The following NINJ2 variants were observed in gnomAD, a reference collection of about 807,000 sequenced individuals.
The protein encoded by NINJ2 is ninjurin 2.
In NINJ2, 12 loss-of-function variants were observed where a neutral mutation model predicts 11.7. The observed-to-expected ratio is 1.02, with a 90% CI of 0.66 to 1.66. The LOEUF is 1.66. Ranked by LOEUF, NINJ2 falls within the 40% of genes most tolerant of loss-of-function variation. NINJ2 has a pLI of 0.00. For synonymous variants in NINJ2, 93 were observed against 76.8 expected, an observed-to-expected ratio of 1.21 and a Z score of -1.10; for missense variants, 187 against 181.8, an observed-to-expected ratio of 1.03 and a Z score of -0.16.
Position 601,513 on chromosome 12 carries a change from A to G in NINJ2, c.34-35335T>C, listed in dbSNP as rs536047783. Among the ~76,000 whole-genome samples the G allele has an allele frequency of 2.4e-4, 35 of 148,872 alleles. 1 individual carries two copies. In the South Asian group the frequency reaches 7.5e-3, roughly 32 times the overall value. On this transcript the variant is annotated intron_variant, in intron 1 of 3. Coordinates refer to ENST00000305108, the MANE Select transcript of NINJ2 (RefSeq NM_016533.6). ...CAGTGAGCCAAGATCAGGCCACTGCACTCCAGCCTGGGCCACAGAAGCAAG... is the reference window on the plus strand; with the variant it reads ...CAGTGAGCCAAGATCAGGCCACTGCGCTCCAGCCTGGGCCACAGAAGCAAG...
At chr12:593,986 C>T (rs1947750482) in intron 1 of NINJ2, among the ~76,000 whole-genome samples, 1 of 152,202 alleles carries the variant, frequency 6.6e-6, no homozygotes, top group African/African-American at 2.4e-5. Context: ...GCTAACATCA[C>T]ACTTAATGGT....
intron 3 of NINJ2, 35 bp downstream of exon 3, chr12:565,182 G>A: frequency 2.6e-6 from 4 of 1,545,204 alleles, no homozygotes; most frequent in Non-Finnish European, 3.5e-6. Flanking sequence ...CACCTGGGGA[G>A]TCCCTGGAGC....
chr12:642,419 C>T (rs1565646439), intron 1 of NINJ2, among the ~76,000 whole-genome samples: 1 of 152,116 alleles, frequency 6.6e-6, no homozygotes, highest in Non-Finnish European at 1.5e-5. Flanking sequence ...TTAGTAGAGA[C>T]GGGGTTTCGC....
At chr12:569,668 G>A (rs1292274356) in intron 1 of NINJ2, among the ~76,000 whole-genome samples, 2 of 152,192 alleles carry the variant, frequency 1.3e-5, no homozygotes, top group Non-Finnish European at 2.9e-5. Flanking sequence ...GGGTGGCAGG[G>A]GTGAGTACAC....
chr12:567,309 T>C (rs1388540520), intron 1 of NINJ2, among the ~76,000 whole-genome samples: 1 of 134,524 alleles, frequency 7.4e-6, no homozygotes, highest in Non-Finnish European at 1.6e-5. Flanking sequence ...ACAGGACAGA[T>C]ACCTGCTGCG....
At chr12:622,748 C>T (rs1180492069) in intron 1 of NINJ2, among the ~76,000 whole-genome samples, 1 of 152,060 alleles carries the variant, frequency 6.6e-6, no homozygotes, top group African/African-American at 2.4e-5. Flanking sequence ...CCCCCTACCT[C>T]ACCCTAAATG....
At chr12:638,627 T>G (rs879331669) in intron 1 of NINJ2, among the ~76,000 whole-genome samples, 100 of 152,280 alleles carry the variant, frequency 6.6e-4, no homozygotes, top group South Asian at 6.2e-4. Context: ...GTGTTAGCCA[T>G]GATGGTCTTG....
intron 1 of NINJ2, among the ~76,000 whole-genome samples, chr12:600,436 G>A (rs1016043288): frequency 1.3e-5 from 2 of 152,062 alleles, no homozygotes; most frequent in Admixed American, 1.3e-4. Flanking sequence ...CACACCTGTA[G>A]TCCCAGCTAC....
rs201764173 is a variant in NINJ2 at position 565,936 on chromosome 12, G to C, written c.262+14C>G. 107 of 1,611,136 alleles carry C rather than the reference G, an allele frequency of 6.6e-5. No individual in the cohort carries two copies. The African/African-American group carries it at 1.1e-3, about 17-fold the overall frequency. On this transcript the variant is annotated intron_variant, in intron 2 of 3. Coordinates refer to ENST00000305108, the MANE Select transcript of NINJ2 (RefSeq NM_016533.6). ...GCCGAGGCAGAAGGTCTGACTGCAG[G>C]CTGGGCTCCTCACCAATGACCACGA...
In NINJ2 at chr12:585,618, C is replaced by A. The variant is rs1202967955; in HGVS notation, c.34-19440G>T. 3.3e-5 allele frequency among the ~76,000 whole-genome samples: 5 copies of A among 152,180 alleles called. No individual in the cohort carries two copies. Among genetic ancestry groups the A allele is most frequent in the African/African-American group, 7.2e-5 (3 of 41,434 alleles). On this transcript the variant is annotated intron_variant, in intron 1 of 3. Coordinates refer to ENST00000305108, the MANE Select transcript of NINJ2 (RefSeq NM_016533.6). The surrounding 1 kb of genome is among the most constrained non-coding windows in gnomAD (Gnocchi z 4.1). ...CTGTGTTGCACCCTGGCCTGCTCTG[C>A]GGATGAGTCAGCAGCATCGATTAAG...
In NINJ2 at chr12:565,242, G is replaced by T. The variant is rs1466206269; in HGVS notation, c.422C>A (p.Pro141His). 1.2e-6 allele frequency: 2 copies of T among 1,613,652 alleles called. No homozygotes were observed. The highest frequency in any genetic ancestry group is 1.7e-6 in the Non-Finnish European group (2 of 1,179,714). Residue 141 changes from proline (P) to histidine (H), a missense_variant, in exon 3 of 4, where the codon CCT (proline) becomes CAT (histidine). By Grantham distance (77) the Pro-to-His change is moderately conservative. Coordinates refer to ENST00000305108, the MANE Select transcript of NINJ2 (RefSeq NM_016533.6). ...CTGGGTCCCAGGCTGCATTCAGAGA[G>T]GATTCCTTGAGGCCCTGGCAGCCAG... ...GFLAARASRNPL is the reference protein window; with the variant it reads ...GFLAARASRNHL
rs34738505 is a variant in NINJ2, at chr12:611,160, CCTTT to C, written c.34-44986_34-44983del. Among the ~76,000 whole-genome samples, 1,566 of 152,082 alleles carry C rather than the reference CCTTT, an allele frequency of 0.01. 64 individuals carry two copies. The East Asian group carries it at 0.15, about 14-fold the overall frequency. On this transcript the variant is annotated intron_variant, in intron 1 of 3. Coordinates refer to ENST00000305108, the MANE Select transcript of NINJ2 (RefSeq NM_016533.6). ...GGCACATCAACCCCAGGCCTGCCTG[CCTTT>C]CTTTCTTTCCTTCTTTTCTTTCCTC... is the stretch of plus-strand genomic sequence containing the variant.
At chr12:574,832 C>A (rs892375722) in intron 1 of NINJ2, among the ~76,000 whole-genome samples, 1 of 152,270 alleles carries the variant, frequency 6.6e-6, no homozygotes. Context: ...TTTATGACTT[C>A]ATCTCACCCA....
intron 1 of NINJ2, among the ~76,000 whole-genome samples, chr12:592,158 T>A (rs1947724961): frequency 6.6e-6 from 1 of 152,038 alleles, no homozygotes; most frequent in Admixed American, 6.5e-5. Flanking sequence ...ACAAGCTAAG[T>A]TGTCTGAGCC....
intron 1 of NINJ2, among the ~76,000 whole-genome samples, chr12:661,721 A>G (rs993215121): frequency 6.6e-6 from 1 of 152,256 alleles, no homozygotes; most frequent in African/African-American, 2.4e-5. Context: ...CAAGGATCTT[A>G]TAGAGGCAAG....
At position 626,897 on chromosome 12, in the gene NINJ2, G is replaced by A. The variant is rs148068986; in HGVS notation, c.33+36431C>T. On this transcript the variant is annotated intron_variant, in intron 1 of 3. Transcript: ENST00000305108. Reference sequence around the variant, plus strand: ...GCCCAGGAGTTCAAGACCAGCCCGGGCAGCATAGTGAGATCCTGTCTCTAC... The same window carrying A: ...GCCCAGGAGTTCAAGACCAGCCCGGACAGCATAGTGAGATCCTGTCTCTAC... Among the ~76,000 whole-genome samples, 134 of 152,198 alleles carry A rather than the reference G, an allele frequency of 8.8e-4. 2 individuals are homozygous for A. Among genetic ancestry groups the A allele is most frequent in the African/African-American group, 3.0e-3 (123 of 41,508 alleles).
intron 1 of NINJ2, among the ~76,000 whole-genome samples, chr12:637,627 T>G (rs1948368439): frequency 7.1e-6 from 1 of 141,742 alleles, no homozygotes; most frequent in African/African-American, 2.6e-5. Context: ...GGCGACAGAG[T>G]GAGACTCCAT....
Position 619,359 on chromosome 12 carries a change from T to C in NINJ2, c.33+43969A>G, listed in dbSNP as rs1349048402. Among the ~76,000 whole-genome samples, 4 of 152,304 alleles carry C rather than the reference T, an allele frequency of 2.6e-5. No individual in the cohort carries two copies. The East Asian group carries it at 5.8e-4, about 22-fold the overall frequency. ...GTTAATGGCCAAAGAGAACATGCTT[T>C]AGAAGGAATGAGAAAAATCAGTGTG... On this transcript the variant is annotated intron_variant, in intron 1 of 3. Transcript: ENST00000305108.
chr12:604,910 G>A (rs1358969468), intron 1 of NINJ2, among the ~76,000 whole-genome samples: 2 of 152,196 alleles, frequency 1.3e-5, no homozygotes, highest in Non-Finnish European at 2.9e-5. Context: ...GTGCTCTTGC[G>A]GTGTGGTCCA....
Sources: allele counts gnomAD v4.1 joint callset (sites outside exome capture counted in the v4.1 genomes callset), GRCh38; gene constraint gnomAD v4.1.1; non-coding constraint Gnocchi (gnomAD v3.1); transcripts MANE v1.5; gene names NCBI Gene and HGNC (gene_info 2026-07-23, HGNC 2026-07-21).